SNRNP35: variants seen among roughly 807,000 people sequenced by gnomAD.
The protein encoded by SNRNP35 is small nuclear ribonucleoprotein U11/U12 subunit 35.
SNRNP35 carries 16 observed loss-of-function variants against 24.3 expected under a neutral mutation model. The observed-to-expected ratio is 0.66, with a 90% CI of 0.45 to 1.00. The LOEUF (loss-of-function observed/expected upper bound fraction) is 1.00, where lower values mean the gene tolerates loss of function less well. Among genes scored for constraint, SNRNP35 ranks in the 50% least tolerant of loss-of-function variants. SNRNP35 has a pLI of 0.00. For synonymous variants in SNRNP35, 106 were observed against 124.8 expected, an observed-to-expected ratio of 0.85 and a Z score of 1.00; for missense variants, 292 against 327.2, an observed-to-expected ratio of 0.89 and a Z score of 0.83.
downstream of SNRNP35, among the ~76,000 whole-genome samples, chr12:123,467,608 T>G (rs1236220048): frequency 6.6e-6 from 1 of 152,216 alleles, no homozygotes; most frequent in African/African-American, 2.4e-5. Context: ...ATGGCCGTCT[T>G]TGAAAGTTCA....
At chr12:123,468,637 C>T (rs2139294141), downstream of SNRNP35, among the ~76,000 whole-genome samples, 1 of 152,270 alleles carries the variant, frequency 6.6e-6, no homozygotes, top group South Asian at 2.1e-4. Context: ...TTGCAGTGAG[C>T]TGAGATTGTG....
At chr12:123,470,481 A>T (rs1171537720), downstream of SNRNP35, 1 of 155,210 alleles carries the variant, frequency 6.4e-6, no homozygotes, top group Non-Finnish European at 1.4e-5. Flanking sequence ...TCCAAAAAAA[A>T]AAAAAAAAAA....
At chr12:123,468,111 C>A (rs1430953133), downstream of SNRNP35, among the ~76,000 whole-genome samples, 2 of 152,026 alleles carry the variant, frequency 1.3e-5, no homozygotes, top group Admixed American at 1.3e-4. Context: ...GTGATCCCAG[C>A]ACTTTGGGAG....
intron 1 of SNRNP35, chr12:123,458,988 G>C (rs2139277328): frequency 6.6e-6 from 1 of 152,282 alleles, no homozygotes; most frequent in Non-Finnish European, 1.5e-5. Flanking sequence ...CCAGGCTGGA[G>C]AGCGGTGGCG....
In SNRNP35 at chr12:123,465,489, A is replaced by T. The variant is rs1880894825; in HGVS notation, c.-3-49A>T. On this transcript the variant is annotated intron_variant, in intron 1 of 1. Coordinates refer to ENST00000526639, the MANE Select transcript of SNRNP35 (RefSeq NM_022717.4). This position sits in a 1 kb window ranked among gnomAD's most constrained non-coding sequence, Gnocchi z 4.2. Reference sequence around the variant, plus strand: ...ATGGCATTGTTGTAAGGGTTGAATGAGTGGCTCAGAGTAGAGGCTCCATCC... The same window carrying T: ...ATGGCATTGTTGTAAGGGTTGAATGTGTGGCTCAGAGTAGAGGCTCCATCC... The T allele has an allele frequency of 2.0e-6, 3 of 1,509,042 alleles. No individual in the cohort carries two copies. In the African/African-American group the frequency reaches 4.2e-5, roughly 21 times the overall value. 93.5% of individuals were successfully genotyped at this position (1,509,042 alleles called of 1,614,324 possible). A position where few individuals can be genotyped will look rare whatever the true frequency, so the allele number is the denominator to read the frequency against.
Position 123,465,595 on chromosome 12 carries a change from A to T in SNRNP35, c.55A>T (p.Ile19Phe). 6.2e-7 allele frequency: 1 copy of T among 1,600,646 alleles called. No homozygotes were observed. Among genetic ancestry groups the T allele is most frequent in the Non-Finnish European group, 8.5e-7 (1 of 1,173,854 alleles). Reference sequence around the variant, plus strand: ...GTATGATCCACTCAAAGCGGGCAGCATTGATGGCACCGATGAAGACCCACA... The same window carrying T: ...GTATGATCCACTCAAAGCGGGCAGCTTTGATGGCACCGATGAAGACCCACA... ...KEYDPLKAGS[I>F]DGTDEDPHDR... The change falls in exon 2 of 2, where the codon ATT becomes TTT. Residue 19 changes from isoleucine (I) to phenylalanine (F), a missense_variant. Transcript: ENST00000526639. This position sits in a 1 kb window ranked among gnomAD's most constrained non-coding sequence, Gnocchi z 4.2.
chr12:123,461,393 T>C (rs1475805284), intron 1 of SNRNP35, among the ~76,000 whole-genome samples: 3 of 151,660 alleles, frequency 2.0e-5, no homozygotes, highest in African/African-American at 7.3e-5. Flanking sequence ...CCCAAAGTGC[T>C]GGGATTACAG....
chr12:123,461,706 TA>T (rs1880640599), intron 1 of SNRNP35, among the ~76,000 whole-genome samples: 2 of 151,442 alleles, frequency 1.3e-5, no homozygotes, highest in African/African-American at 2.4e-5. Flanking sequence ...TGATTTGGAC[TA>T]AAAAAAGTTC....
At chr12:123,464,079 G>A (rs776522155) in intron 1 of SNRNP35, among the ~76,000 whole-genome samples, 10 of 151,454 alleles carry the variant, frequency 6.6e-5, no homozygotes, top group East Asian at 3.9e-4. Context: ...GATTACAGGC[G>A]CCTACAACCA....
exon 2 of SNRNP35, chr12:123,472,820 G>A: frequency 2.3e-6 from 2 of 877,134 alleles, no homozygotes; most frequent in Admixed American, 2.5e-5. Context: ...CAAAGTTGGG[G>A]GTGCAGGTCA....
At chr12:123,464,131 C>T (rs1036606869) in intron 1 of SNRNP35, among the ~76,000 whole-genome samples, 22 of 151,100 alleles carry the variant, frequency 1.5e-4, no homozygotes, top group Admixed American at 1.3e-3. Context: ...TGGGGTTTCT[C>T]TATGTTGGTC....
At chr12:123,458,257 A>C in intron 1 of SNRNP35, 41 bp downstream of exon 1, 1 of 983,324 alleles carries the variant, frequency 1.0e-6, no homozygotes, top group Non-Finnish European at 1.2e-6. Flanking sequence ...CCCACGCCGG[A>C]GAGAAGGAAG....
intron 1 of SNRNP35, among the ~76,000 whole-genome samples, chr12:123,463,567 G>A (rs1880753247): frequency 1.3e-5 from 2 of 150,110 alleles, no homozygotes; most frequent in Admixed American, 6.6e-5. Flanking sequence ...TAGTAGAGAC[G>A]GGGTTTCACC....
rs1338219695 is a variant in SNRNP35, at chr12:123,472,674, A to C, written n.1681A>C. On this transcript the variant is annotated non_coding_transcript_exon_variant, in exon 2 of 2. Coordinates refer to the SNRNP35 transcript ENST00000527158. ...CAGGCGCTTCTTATCTCGGGAGAAGAAGCTAAACCTTTGGAAGGGAAAGCA... is the reference window on the plus strand; with the variant it reads ...CAGGCGCTTCTTATCTCGGGAGAAGCAGCTAAACCTTTGGAAGGGAAAGCA... 6.9e-6 allele frequency: 11 copies of C among 1,597,740 alleles called. No individual in the cohort carries two copies. In the Admixed American group the frequency reaches 1.0e-4, roughly 15 times the overall value.
downstream of SNRNP35, among the ~76,000 whole-genome samples, chr12:123,467,278 G>A (rs1485403382): frequency 1.3e-5 from 2 of 152,180 alleles, no homozygotes; most frequent in South Asian, 2.1e-4. Context: ...TCAAAATGCC[G>A]ACTGCCTTTC....
intron 1 of SNRNP35, among the ~76,000 whole-genome samples, chr12:123,462,271 C>T (rs530868222): frequency 5.3e-5 from 8 of 152,086 alleles, no homozygotes; most frequent in Non-Finnish European, 1.2e-4. Flanking sequence ...AGAGCATATT[C>T]CCAAGAGAAG....
intron 1 of SNRNP35, among the ~76,000 whole-genome samples, chr12:123,462,921 TGAGG>T: frequency 6.6e-6 from 1 of 152,178 alleles, no homozygotes; most frequent in African/African-American, 2.4e-5. Context: ...ACCCATCAAC[TGAGG>T]GAGAAATAAA....
intron 1 of SNRNP35, among the ~76,000 whole-genome samples, chr12:123,461,197 G>C (rs1880604079): frequency 6.7e-6 from 1 of 150,334 alleles, no homozygotes; most frequent in Admixed American, 6.7e-5. Context: ...CTCACTGCAA[G>C]CTCTGCCTCC....
rs1274543754 is a variant in SNRNP35 at position 123,465,716 on chromosome 12, A to T, written c.176A>T (p.Asn59Ile). Residue 59 changes from asparagine to isoleucine, a missense_variant, in exon 2 of 2, where the codon AAC becomes ATC. Asn to Ile is a moderately radical substitution (Grantham distance 149, BLOSUM62 -3). Transcript: ENST00000526639. The surrounding 1 kb of genome is among the most constrained non-coding windows in gnomAD (Gnocchi z 4.2). ...PLLTLFVARLNLQTKEDKLKE... is the reference protein window; with the variant it reads ...PLLTLFVARLILQTKEDKLKE... ...CTCACCCTGTTTGTGGCCAGACTAA[A>T]CTTGCAGACCAAGGAGGACAAATTA... 12 of 1,613,698 alleles carry T rather than the reference A, an allele frequency of 7.4e-6. No individual in the cohort carries two copies. The highest frequency in any genetic ancestry group is 1.0e-5 in the Non-Finnish European group (12 of 1,179,868).
Sources: allele counts gnomAD v4.1 joint callset (sites outside exome capture counted in the v4.1 genomes callset), GRCh38; gene constraint gnomAD v4.1.1; non-coding constraint Gnocchi (gnomAD v3.1); transcripts MANE v1.5; gene names NCBI Gene and HGNC (gene_info 2026-07-23, HGNC 2026-07-21).